MROH1: variants seen among roughly 807,000 people sequenced by gnomAD.
MROH1 encodes the protein maestro heat like repeat family member 1, also known as maestro heat-like repeat-containing protein family member 1.
In MROH1, 117 loss-of-function variants were observed where a neutral mutation model predicts 116.5. The observed-to-expected ratio is 1.00, with a 90% confidence interval of 0.86 to 1.17. The LOEUF (loss-of-function observed/expected upper bound fraction) is 1.17. Among genes scored for constraint, MROH1 ranks in the 50% most tolerant of loss-of-function variants. The pLI, the probability that MROH1 is intolerant of heterozygous loss-of-function variation, is 0.00. For synonymous variants in MROH1, 921 were observed against 583.9 expected, an observed-to-expected ratio of 1.58 and a Z score of -8.32; for missense variants, 1,873 against 1,338.5, an observed-to-expected ratio of 1.40 and a Z score of -6.23.
At chr8:144,244,010 G>A (rs1841446518) in intron 26 of MROH1, 68 bp downstream of exon 26, 3 of 755,688 alleles carry the variant, frequency 4.0e-6, no homozygotes, top group East Asian at 5.0e-5. Flanking sequence ...TGCATTGTGT[G>A]TGCACGTGTA....
rs892744676 is a variant in MROH1, at chr8:144,250,292, C to T, written c.3354C>T (p.Ser1118=). ...ACGTCCTGCCGGCCGCCCAGCACAG[C>T]GTGTACCTCCTGGCCACCCAGCACT... ...GEHVLPAAQH[S]VYLLATQHCA... Residue 1118 remains serine, a synonymous_variant, in exon 33 of 44, where the codon AGC becomes AGT. Coordinates refer to ENST00000326134, the MANE Select transcript of MROH1 (RefSeq NM_032450.3). The T allele has an allele frequency of 6.6e-5, 51 of 767,464 alleles. No homozygotes were observed. Among genetic ancestry groups the T allele is most frequent in the African/African-American group, 4.6e-4 (27 of 59,124 alleles). The allele number at this position is 767,464 out of a possible 1,614,324, so 47.5% of individuals were successfully genotyped here. A position where few individuals can be genotyped will look rare whatever the true frequency, so the allele number is the denominator to read the frequency against.
chr8:144,254,342 A>G (rs1843327972), intron 33 of MROH1: 1 of 156,112 alleles, frequency 6.4e-6, no homozygotes, highest in African/African-American at 2.4e-5. Context: ...AGTTCCCGTC[A>G]TATTCAGAGT....
chr8:144,227,348 G>T (rs749763689), intron 14 of MROH1, among the ~76,000 whole-genome samples: 9 of 152,150 alleles, frequency 5.9e-5, no homozygotes, highest in Non-Finnish European at 1.2e-4. Context: ...TATTAAGAAT[G>T]CTGGGGGCTG....
chr8:144,254,565 G>T, intron 33 of MROH1: 2 of 510,472 alleles, frequency 3.9e-6, no homozygotes, highest in Non-Finnish European at 3.5e-6. Context: ...CCACTGCCCT[G>T]GGCCCTGTGT....
chr8:144,192,448 C>T, intron 10 of MROH1, 47 bp downstream of exon 10: 1 of 1,497,078 alleles, frequency 6.7e-7, no homozygotes, highest in South Asian at 1.2e-5. Flanking sequence ...GCACACCCTT[C>T]CGTGGGAAGT....
chr8:144,217,697 G>C (rs150221400), intron 12 of MROH1, among the ~76,000 whole-genome samples: 1 of 152,142 alleles, frequency 6.6e-6, no homozygotes, highest in Non-Finnish European at 1.5e-5. Flanking sequence ...TCTGCCTCCC[G>C]GCTTCAAGCG....
intron 12 of MROH1, chr8:144,213,062 C>G (rs916765423): frequency 1.3e-6 from 1 of 779,292 alleles, no homozygotes; most frequent in African/African-American, 1.7e-5. Context: ...TGAGGACTGC[C>G]CTGCACGTGC....
chr8:144,259,597 A>T (rs879812991), intron 37 of MROH1, among the ~76,000 whole-genome samples: 77,884 of 152,190 alleles, frequency 0.51, 20,206 homozygotes, highest in East Asian at 0.67. Flanking sequence ...CCCCAAGTCC[A>T]GCTGGGTACA....
intron 18 of MROH1, 77 bp downstream of exon 18, chr8:144,239,832 C>T (rs1182362703): frequency 1.4e-6 from 1 of 702,060 alleles, no homozygotes; most frequent in Non-Finnish European, 2.7e-6. Flanking sequence ...CTAGCTCTGA[C>T]CCCACCTTTG....
At position 144,261,845 on chromosome 8, in the gene MROH1, C is replaced by A. The variant is rs921183039; in HGVS notation, c.*105C>A. On this transcript the variant is annotated 3_prime_UTR_variant, in exon 44 of 44. Transcript: ENST00000326134. Reference sequence around the variant, plus strand: ...CAGCCTGGGCACACGACTGGAGGGGCCTGGCCCCAGAACAGGCACTGCTGG... The same window carrying A: ...CAGCCTGGGCACACGACTGGAGGGGACTGGCCCCAGAACAGGCACTGCTGG... The A allele has an allele frequency of 7.6e-5, 53 of 695,964 alleles. 1 individual carries two copies. The Admixed American group carries it at 1.0e-3, about 13-fold the overall frequency. 43.1% of individuals were successfully genotyped at this position (695,964 alleles called of 1,614,324 possible).
At chr8:144,185,095 T>C (rs980733106) in intron 7 of MROH1, among the ~76,000 whole-genome samples, 1 of 152,158 alleles carries the variant, frequency 6.6e-6, no homozygotes, top group African/African-American at 2.4e-5. Flanking sequence ...AAGTGTCTTG[T>C]AGCTTTAGGG....
At chr8:144,179,117 CAG>C (rs1186199392) in intron 4 of MROH1, among the ~76,000 whole-genome samples, 1 of 152,030 alleles carries the variant, frequency 6.6e-6, no homozygotes, top group African/African-American at 2.4e-5. Flanking sequence ...CCTCCTCTGA[CAG>C]GGGAGGGCAG....
intron 7 of MROH1, among the ~76,000 whole-genome samples, chr8:144,187,691 A>G (rs1387899536): frequency 1.3e-5 from 2 of 152,194 alleles, no homozygotes; most frequent in Non-Finnish European, 2.9e-5. Flanking sequence ...GCAGGGCCTG[A>G]GTCAACCATT....
At chr8:144,221,141 C>T (rs1480534203) in intron 13 of MROH1, among the ~76,000 whole-genome samples, 2 of 152,162 alleles carry the variant, frequency 1.3e-5, no homozygotes, top group South Asian at 2.1e-4. Context: ...ATGTGGGTCA[C>T]AGAGCATCAC....
At chr8:144,172,274 ACTAT>A (rs1822640718) in intron 4 of MROH1, among the ~76,000 whole-genome samples, 1 of 152,194 alleles carries the variant, frequency 6.6e-6, no homozygotes, top group African/African-American at 2.4e-5. Context: ...AGAGACATTT[ACTAT>A]CTATTATCTC....
At chr8:144,244,662 G>A in intron 28 of MROH1, 123 bp downstream of exon 28, 3 of 685,252 alleles carry the variant, frequency 4.4e-6, no homozygotes, top group Admixed American at 2.0e-5. Flanking sequence ...TGCACTTGGG[G>A]GTGGTTTATG....
intron 4 of MROH1, among the ~76,000 whole-genome samples, chr8:144,178,173 G>A (rs1274476225): frequency 2.0e-5 from 1 of 49,644 alleles, no homozygotes; most frequent in African/African-American, 3.7e-5. Context: ...TTGCTCCGTG[G>A]CCCAGGCTGG....
intron 14 of MROH1, among the ~76,000 whole-genome samples, chr8:144,227,747 TGA>T (rs1838069420): frequency 6.6e-6 from 1 of 152,010 alleles, no homozygotes; most frequent in African/African-American, 2.4e-5. Flanking sequence ...CCTGGGAGTT[TGA>T]GACCAGCCTG....
intron 12 of MROH1, among the ~76,000 whole-genome samples, chr8:144,217,753 G>A (rs1355337899): frequency 1.3e-5 from 2 of 152,194 alleles, no homozygotes; most frequent in Admixed American, 1.3e-4. Flanking sequence ...ACAAGTGTGC[G>A]TGACCACACC....
Sources: gnomAD v4.1 joint callset for allele counts (sites outside exome capture counted in the v4.1 genomes callset) on GRCh38, gnomAD v4.1.1 for gene constraint, MANE v1.5 for transcripts, NCBI Gene and HGNC (gene_info 2026-07-23, HGNC 2026-07-21) for gene names.